Variants in DCDC1 observed in about 807,000 individuals in gnomAD.
DCDC1 encodes the protein doublecortin domain-containing protein 1.
In DCDC1, 200 loss-of-function variants were observed where a neutral mutation model predicts 178.3. The observed-to-expected ratio is 1.12, with a 90% CI of 1.00 to 1.26. The LOEUF is 1.26. Ranked by LOEUF, DCDC1 falls within the 50% of genes most tolerant of loss-of-function variation. The pLI is 0.00. For missense variants in DCDC1, 1,983 were observed against 1,749.2 expected (o/e 1.13, Z -2.38); for synonymous variants, 690 against 604.8 (o/e 1.14, Z -2.07).
intron 15 of DCDC1, among the ~76,000 whole-genome samples, chr11:31,094,403 T>G (rs930641007): frequency 6.6e-6 from 1 of 152,174 alleles, no homozygotes; most frequent in Non-Finnish European, 1.5e-5. Flanking sequence ...TGGAATATTA[T>G]AAAATATTTT....
chr11:31,236,853 T>C (rs1385620295), intron 9 of DCDC1, among the ~76,000 whole-genome samples: 2 of 152,006 alleles, frequency 1.3e-5, no homozygotes, highest in Non-Finnish European at 2.9e-5. Context: ...AACTGAAATA[T>C]TTTAAGTGTT....
intron 11 of DCDC1, among the ~76,000 whole-genome samples, chr11:31,122,579 T>C (rs959590800): frequency 6.6e-6 from 1 of 152,168 alleles, no homozygotes; most frequent in Non-Finnish European, 1.5e-5. Context: ...AAATTCTACA[T>C]AGCCAACTCA....
chr11:31,130,321 C>A (rs113681013), intron 10 of DCDC1, among the ~76,000 whole-genome samples: 130 of 152,256 alleles, frequency 8.5e-4, no homozygotes, highest in African/African-American at 3.1e-3. Flanking sequence ...ATATATGTGA[C>A]ATCAGAATTC....
At chr11:31,166,227 CATT>C (rs1966774751) in intron 9 of DCDC1, among the ~76,000 whole-genome samples, 1 of 152,102 alleles carries the variant, frequency 6.6e-6, no homozygotes, top group Non-Finnish European at 1.5e-5. Context: ...CAAAAATTTT[CATT>C]ATTTCTCTCT....
intron 1 of DCDC1, among the ~76,000 whole-genome samples, chr11:31,351,129 A>C (rs761399909): frequency 6.6e-6 from 1 of 152,104 alleles, no homozygotes; most frequent in Non-Finnish European, 1.5e-5. Context: ...AAGGAAAAGA[A>C]AGAAGAATAA....
At chr11:30,983,992 T>C (rs892301282) in intron 20 of DCDC1, among the ~76,000 whole-genome samples, 6 of 152,314 alleles carry the variant, frequency 3.9e-5, no homozygotes, top group African/African-American at 4.8e-5. Context: ...CTCCTTTATA[T>C]ACAATAGTGG....
chr11:31,349,307 G>C (rs547190358), intron 1 of DCDC1, among the ~76,000 whole-genome samples: 5 of 152,252 alleles, frequency 3.3e-5, no homozygotes, highest in African/African-American at 4.8e-5. Flanking sequence ...ACATAAACAA[G>C]GTACCTTTGT....
intron 11 of DCDC1, among the ~76,000 whole-genome samples, chr11:31,113,144 C>T (rs1025499453): frequency 1.3e-5 from 2 of 152,128 alleles, no homozygotes; most frequent in Admixed American, 6.6e-5. Flanking sequence ...AAACAACTTA[C>T]ACAGATTAAA....
chr11:31,099,907 C>T (rs896126529), intron 15 of DCDC1, among the ~76,000 whole-genome samples: 6 of 151,864 alleles, frequency 4.0e-5, no homozygotes, highest in Non-Finnish European at 5.9e-5. Flanking sequence ...TCAGTAGAGA[C>T]GGGGTTTCAC....
chr11:31,354,331 G>A (rs1951224650), intron 1 of DCDC1, among the ~76,000 whole-genome samples: 1 of 152,180 alleles, frequency 6.6e-6, no homozygotes, highest in African/African-American at 2.4e-5. Flanking sequence ...ATTTATGACT[G>A]TCAACACAGA....
intron 21 of DCDC1, among the ~76,000 whole-genome samples, chr11:30,940,514 A>T (rs1349532866): frequency 6.6e-6 from 1 of 152,180 alleles, no homozygotes; most frequent in South Asian, 2.1e-4. Context: ...CAGCCCAGTT[A>T]AATGAGATTA....
intron 21 of DCDC1, among the ~76,000 whole-genome samples, chr11:30,941,138 A>T (rs141741758): frequency 1.3e-5 from 2 of 152,128 alleles, no homozygotes; most frequent in African/African-American, 4.8e-5. Flanking sequence ...ACTACTTTTC[A>T]TCACCTCCAT....
At chr11:30,997,987 G>GA (rs2134996491) in intron 20 of DCDC1, among the ~76,000 whole-genome samples, 1 of 152,192 alleles carries the variant, frequency 6.6e-6, no homozygotes, top group South Asian at 2.1e-4. Context: ...CAAAGTAAGA[G>GA]AGAGTTTAAA....
At chr11:30,938,411 C>A (rs572099060) in intron 21 of DCDC1, among the ~76,000 whole-genome samples, 3 of 152,312 alleles carry the variant, frequency 2.0e-5, no homozygotes, top group Non-Finnish European at 4.4e-5. Flanking sequence ...CCAGCTCTCA[C>A]ACACAGTTGT....
rs759275816 is a variant in DCDC1, at chr11:31,091,515, C to T, written c.2119-4G>A. 4.0e-6 allele frequency: 3 copies of T among 743,952 alleles called. No individual in the cohort carries two copies. The highest frequency in any genetic ancestry group is 3.6e-5 in the Admixed American group (2 of 55,966). The allele number at this position is 743,952 out of a possible 1,614,324, so 46.1% of individuals were successfully genotyped here. On this transcript the variant is annotated splice_polypyrimidine_tract_variant and splice_region_variant and intron_variant, in intron 16 of 38. Transcript: ENST00000684477. The stretch of plus-strand genomic sequence containing the variant: ...CTCGGCTCAGGATCATTCCAGTCTT[C>T]CAATGAATAGAGAGGGGGAGAAAGG...
intron 9 of DCDC1, among the ~76,000 whole-genome samples, chr11:31,139,708 AC>A (rs1963586973): frequency 6.6e-6 from 1 of 152,184 alleles, no homozygotes; most frequent in African/African-American, 2.4e-5. Context: ...CTGCCAGGGA[AC>A]TTTTTATTCA....
intron 7 of DCDC1, among the ~76,000 whole-genome samples, chr11:31,275,744 T>C (rs1176417047): frequency 1.3e-5 from 2 of 152,206 alleles, no homozygotes; most frequent in Non-Finnish European, 2.9e-5. Flanking sequence ...CCTCAGGTGT[T>C]CCGCCTTCCT....
intron 20 of DCDC1, among the ~76,000 whole-genome samples, chr11:30,989,073 T>C (rs1303545400): frequency 6.6e-6 from 1 of 152,002 alleles, no homozygotes; most frequent in African/African-American, 2.4e-5. Context: ...GGAGAGGTAA[T>C]ATAGAAGTCA....
intron 8 of DCDC1, among the ~76,000 whole-genome samples, chr11:31,259,882 T>C (rs964460715): frequency 2.6e-5 from 4 of 152,234 alleles, no homozygotes; most frequent in Non-Finnish European, 5.9e-5. Flanking sequence ...GCAGCAGTCA[T>C]GTGGGTCTGA....
Sources: allele counts gnomAD v4.1 joint callset (sites outside exome capture counted in the v4.1 genomes callset), GRCh38; gene constraint gnomAD v4.1.1; transcripts MANE v1.5; gene names NCBI Gene and HGNC (gene_info 2026-07-23, HGNC 2026-07-21).